The following NLGN1 variants were observed in gnomAD, a reference collection of about 807,000 sequenced individuals.
NLGN1 encodes the protein neuroligin 1.
A neutral mutation model predicts 65.5 loss-of-function variants in NLGN1; 12 were observed. The ratio of observed to expected loss-of-function variants is 0.18; its 90% CI spans 0.12 to 0.30. The LOEUF is 0.30. Among genes scored for constraint, NLGN1 ranks in the 10% least tolerant of loss-of-function variants. The probability of loss-of-function intolerance (pLI) is 1.00; values close to 1 mark genes in which losing one functional copy is unlikely to be tolerated. For missense variants in NLGN1, 750 were observed against 1,007.1 expected (o/e 0.74, Z 3.46); for synonymous variants, 350 against 359.5 (o/e 0.97, Z 0.30).
chr3:174,204,849 G>GT (rs35124357), intron 4 of NLGN1, among the ~76,000 whole-genome samples: 4 of 151,612 alleles, frequency 2.6e-5, no homozygotes, highest in South Asian at 2.1e-4. Context: ...CTTCAAACAG[G>GT]TTTTTTTTTT....
At chr3:173,865,363 A>G (rs1193395849) in intron 4 of NLGN1, among the ~76,000 whole-genome samples, 1 of 152,140 alleles carries the variant, frequency 6.6e-6, no homozygotes, top group East Asian at 1.9e-4. Context: ...GGAAAGATAC[A>G]TCCTCATCCC....
intron 4 of NLGN1, among the ~76,000 whole-genome samples, chr3:174,264,938 T>A (rs1490257055): frequency 1.3e-5 from 2 of 152,110 alleles, no homozygotes; most frequent in African/African-American, 4.8e-5. Context: ...TGGAATACCC[T>A]GCTGTGTGAG....
At chr3:173,710,905 T>G (rs1485091092) in intron 3 of NLGN1, among the ~76,000 whole-genome samples, 1 of 152,178 alleles carries the variant, frequency 6.6e-6, no homozygotes, top group Non-Finnish European at 1.5e-5. Context: ...CATGCTTCTC[T>G]TAAAGGTATT....
Position 174,116,922 on chromosome 3 carries a change from G to C in NLGN1, c.647-158393G>C, listed in dbSNP as rs138271063. On this transcript the variant is annotated intron_variant, in intron 4 of 6. Coordinates refer to ENST00000457714, the Ensembl canonical transcript of NLGN1. ...AAAAAAGATTTCTATTCCGTGAATG[G>C]AAAGTATATACTGGAGTTGACAGTC... Among the ~76,000 whole-genome samples, 120 of 152,156 alleles carry C rather than the reference G, an allele frequency of 7.9e-4. 2 individuals are homozygous for C. In the East Asian group the frequency reaches 0.021, roughly 27 times the overall value.
At chr3:173,953,299 T>C (rs1316337440) in intron 4 of NLGN1, among the ~76,000 whole-genome samples, 1 of 152,210 alleles carries the variant, frequency 6.6e-6, no homozygotes, top group Admixed American at 6.5e-5. Flanking sequence ...TATCATTACA[T>C]AAGTTGTTTT....
At chr3:173,450,075 A>G (rs1364829772) in intron 2 of NLGN1, among the ~76,000 whole-genome samples, 1 of 152,080 alleles carries the variant, frequency 6.6e-6, no homozygotes, top group Non-Finnish European at 1.5e-5. Context: ...TAAGGTTAGT[A>G]TTGTTATGTG....
intron 4 of NLGN1, among the ~76,000 whole-genome samples, chr3:173,833,628 T>A (rs1448641040): frequency 1.3e-5 from 2 of 152,034 alleles, no homozygotes; most frequent in African/African-American, 2.4e-5. Flanking sequence ...CAAGTGACTC[T>A]CCCACCTCAG....
At chr3:173,713,341 A>C (rs1463827945) in intron 3 of NLGN1, among the ~76,000 whole-genome samples, 1 of 152,152 alleles carries the variant, frequency 6.6e-6, no homozygotes, top group Non-Finnish European at 1.5e-5. Flanking sequence ...AATTACAAAG[A>C]TACATGGCTT....
chr3:173,814,447 G>C (rs1578576219), intron 4 of NLGN1, among the ~76,000 whole-genome samples: 2 of 152,246 alleles, frequency 1.3e-5, no homozygotes, highest in East Asian at 1.9e-4. Context: ...AGGTGCAGGG[G>C]ACAACTTTAG....
At chr3:174,167,714 GTTCTT>G (rs1175255554) in intron 4 of NLGN1, among the ~76,000 whole-genome samples, 1 of 149,522 alleles carries the variant, frequency 6.7e-6, no homozygotes, top group Non-Finnish European at 1.5e-5. Flanking sequence ...TCTCATAAGT[GTTCTT>G]TTCATTTCTT....
chr3:173,866,334 A>G (rs1730152538), intron 4 of NLGN1, among the ~76,000 whole-genome samples: 1 of 152,214 alleles, frequency 6.6e-6, no homozygotes, highest in Non-Finnish European at 1.5e-5. Context: ...CCTGGGCAAC[A>G]AGAGTGAAAC....
intron 4 of NLGN1, among the ~76,000 whole-genome samples, chr3:174,080,393 T>A (rs2152547807): frequency 6.6e-6 from 1 of 152,238 alleles, no homozygotes; most frequent in African/African-American, 2.4e-5. Flanking sequence ...AGAGCAGGAA[T>A]GAAAGGAAGT....
At chr3:173,570,177 G>A (rs186065552) in intron 2 of NLGN1, among the ~76,000 whole-genome samples, 4 of 152,274 alleles carry the variant, frequency 2.6e-5, no homozygotes, top group African/African-American at 9.6e-5. Flanking sequence ...AGGCAGTGCT[G>A]ACTAAAGTAA....
intron 3 of NLGN1, among the ~76,000 whole-genome samples, chr3:173,727,461 C>T (rs1437894060): frequency 2.6e-5 from 4 of 152,112 alleles, no homozygotes; most frequent in Non-Finnish European, 4.4e-5. Context: ...CTGCCACTGA[C>T]GTGCTAGAGT....
intron 4 of NLGN1, among the ~76,000 whole-genome samples, chr3:174,137,051 A>G (rs1048497744): frequency 3.3e-5 from 5 of 152,160 alleles, no homozygotes; most frequent in African/African-American, 4.8e-5. Context: ...GCCTATATAT[A>G]TGATAAGGTG....
At chr3:174,202,780 A>G (rs1734711782) in intron 4 of NLGN1, 1 of 152,276 alleles carries the variant, frequency 6.6e-6, no homozygotes, top group East Asian at 1.9e-4. Flanking sequence ...AAAATCTGTT[A>G]TTCAAGAATA....
intron 4 of NLGN1, among the ~76,000 whole-genome samples, chr3:173,893,280 G>C (rs540150903): frequency 8.5e-5 from 13 of 152,294 alleles, no homozygotes; most frequent in African/African-American, 3.1e-4. Context: ...GTGGTTAAGA[G>C]CATAGCTTTT....
intron 3 of NLGN1, among the ~76,000 whole-genome samples, chr3:173,681,138 C>G (rs1763892851): frequency 6.6e-6 from 1 of 152,102 alleles, no homozygotes; most frequent in African/African-American, 2.4e-5. Context: ...CTACTCTCTT[C>G]AAAAGAAATG....
At chr3:173,622,595 A>G (rs1454948547) in intron 3 of NLGN1, among the ~76,000 whole-genome samples, 1 of 152,018 alleles carries the variant, frequency 6.6e-6, no homozygotes, top group Non-Finnish European at 1.5e-5. Context: ...GGAAAAAAAA[A>G]AACCCAAAGC....
Sources: allele counts gnomAD v4.1 joint callset (sites outside exome capture counted in the v4.1 genomes callset), GRCh38; gene constraint gnomAD v4.1.1; transcripts MANE v1.5; gene names NCBI Gene and HGNC (gene_info 2026-07-23, HGNC 2026-07-21).